AHI1: variants seen among roughly 807,000 people sequenced by gnomAD.
AHI1 encodes the protein jouberin.
A neutral mutation model predicts 149.3 loss-of-function variants in AHI1; 123 were observed. The ratio of observed to expected loss-of-function variants is 0.82; its 90% CI spans 0.71 to 0.96. AHI1 has a LOEUF of 0.96. Ranked by LOEUF, AHI1 falls within the 40% of genes least tolerant of loss-of-function variation. The pLI, the probability that AHI1 is intolerant of heterozygous loss-of-function variation, is 0.00. For missense variants in AHI1, 1,439 were observed against 1,422.7 expected (o/e 1.01, Z -0.18); for synonymous variants, 475 against 459.8 (o/e 1.03, Z -0.42).
chr6:135,347,048 G>C (rs1224272432), intron 24 of AHI1, among the ~76,000 whole-genome samples: 1 of 152,198 alleles, frequency 6.6e-6, no homozygotes, highest in Non-Finnish European at 1.5e-5. Flanking sequence ...TTATCTGTTT[G>C]AAACTTCTTT....
At chr6:135,469,174 C>T (rs565350583) in intron 5 of AHI1, among the ~76,000 whole-genome samples, 2 of 152,318 alleles carry the variant, frequency 1.3e-5, no homozygotes, top group South Asian at 4.1e-4. Context: ...ATCAAGTCAG[C>T]TTCATCCACG....
chr6:135,473,835 T>C (rs548465886), intron 5 of AHI1, among the ~76,000 whole-genome samples: 175 of 152,332 alleles, frequency 1.1e-3, no homozygotes, highest in Non-Finnish European at 1.8e-3. Context: ...CCATATATTC[T>C]GCTAAGCTCC....
chr6:135,446,642 G>A (rs1214297691), intron 13 of AHI1, among the ~76,000 whole-genome samples: 1 of 152,134 alleles, frequency 6.6e-6, no homozygotes, highest in Non-Finnish European at 1.5e-5. Flanking sequence ...CGGGCTCCAA[G>A]TCAAAAAGTG....
intron 26 of AHI1, chr6:135,301,426 T>C (rs1783870328): frequency 3.0e-6 from 3 of 985,390 alleles, no homozygotes; most frequent in Non-Finnish European, 3.6e-6. Flanking sequence ...TCAGTCTTGT[T>C]TGAGTAACTG....
In AHI1 at chr6:135,466,517, G is replaced by C. The variant is rs960513946; in HGVS notation, c.190-144C>G. 9.9e-6 allele frequency: 7 copies of C among 707,578 alleles called. No individual in the cohort carries two copies. In the African/African-American group the frequency reaches 1.3e-4, roughly 13 times the overall value. 43.8% of individuals were successfully genotyped at this position (707,578 alleles called of 1,614,324 possible). ...ATCTGGACATAGTGACACTATTTTA[G>C]AGCATATGAGTACTCTCATAATTTA... is the stretch of plus-strand genomic sequence containing the variant. On this transcript the variant is annotated intron_variant, in intron 6 of 28. Transcript: ENST00000265602.
chr6:135,390,112 A>C (rs961408645), intron 23 of AHI1, among the ~76,000 whole-genome samples: 2 of 152,152 alleles, frequency 1.3e-5, no homozygotes, highest in Non-Finnish European at 2.9e-5. Context: ...GGCCCTGGGA[A>C]GCCAAAAGAT....
Position 135,444,247 on chromosome 6 carries a change from G to A in AHI1, c.1780-1533C>T, listed in dbSNP as rs371478910. ...TGTTACTACTTCAAGATCTCCCCAT[G>A]CCACTGCCTGCATTAATTCATCCTC... On this transcript the variant is annotated intron_variant, in intron 13 of 28. Transcript: ENST00000265602. Among the ~76,000 whole-genome samples, 9 of 152,190 alleles carry A rather than the reference G, an allele frequency of 5.9e-5. No homozygotes were observed. The East Asian group carries it at 7.7e-4, about 13-fold the overall frequency.
rs1045439496 is a variant in AHI1 at position 135,285,161 on chromosome 6, C to T, written c.*484G>A. 4 of 169,288 alleles carry T rather than the reference C, an allele frequency of 2.4e-5. No homozygotes were observed. In the East Asian group the frequency reaches 4.8e-4, roughly 20 times the overall value. The allele number at this position is 169,288 out of a possible 1,614,324, so 10.5% of individuals were successfully genotyped here. ...TGCTAGGATTACAGGCATGAGGCACCGTGCCCAGTCAGCTGCTTATCTTTT... is the reference window on the plus strand; with the variant it reads ...TGCTAGGATTACAGGCATGAGGCACTGTGCCCAGTCAGCTGCTTATCTTTT... On this transcript the variant is annotated 3_prime_UTR_variant, in exon 29 of 29. Coordinates refer to ENST00000265602, the MANE Select transcript of AHI1 (RefSeq NM_001134831.2).
intron 5 of AHI1, 61 bp downstream of exon 5, chr6:135,490,562 A>C: frequency 6.3e-7 from 1 of 1,586,074 alleles, no homozygotes. Flanking sequence ...CATAAAATGC[A>C]GCCATATCTG....
chr6:135,351,439 C>T (rs973372571), intron 24 of AHI1, among the ~76,000 whole-genome samples: 2 of 152,094 alleles, frequency 1.3e-5, no homozygotes, highest in Admixed American at 6.5e-5. Flanking sequence ...GGTATTATCC[C>T]CATTTACAGA....
At chr6:135,367,632 G>A (rs1774384332) in intron 23 of AHI1, among the ~76,000 whole-genome samples, 1 of 151,862 alleles carries the variant, frequency 6.6e-6, no homozygotes, top group Admixed American at 6.6e-5. Flanking sequence ...TCTTTTACTT[G>A]TTTGAGTCTA....
chr6:135,473,148 C>A (rs886760122), intron 5 of AHI1, among the ~76,000 whole-genome samples: 1 of 152,058 alleles, frequency 6.6e-6, no homozygotes, highest in Non-Finnish European at 1.5e-5. Flanking sequence ...ATGACATGAT[C>A]CCAAGTTTAT....
chr6:135,382,666 A>G (rs2128469455), intron 23 of AHI1, among the ~76,000 whole-genome samples: 1 of 152,154 alleles, frequency 6.6e-6, no homozygotes, highest in African/African-American at 2.4e-5. Context: ...CCTCCTTCTG[A>G]ATTTCCAGAG....
In AHI1 at chr6:135,394,675, C is replaced by T. The variant is rs184606847; in HGVS notation, c.3109+101G>A. 2,469 of 1,481,650 alleles carry T rather than the reference C, an allele frequency of 1.7e-3. 5 individuals carry two copies. The highest frequency in any genetic ancestry group is 2.1e-3 in the Non-Finnish European group (2,238 of 1,086,050). 91.8% of individuals were successfully genotyped at this position (1,481,650 alleles called of 1,614,324 possible). ...AATATAATTTGTCAAGTGTAAAAAC[C>T]GACCATTATGAGCTTTATTTCTAAA... On this transcript the variant is annotated intron_variant, in intron 23 of 28. Transcript: ENST00000265602.
chr6:135,314,019 C>A (rs976829407), intron 26 of AHI1, among the ~76,000 whole-genome samples: 6 of 152,200 alleles, frequency 3.9e-5, no homozygotes, highest in African/African-American at 1.4e-4. Flanking sequence ...GCTGTCACAG[C>A]AACCCTTTAC....
intron 11 of AHI1, among the ~76,000 whole-genome samples, chr6:135,450,526 G>A (rs1037034800): frequency 6.6e-6 from 1 of 152,134 alleles, no homozygotes. Context: ...CAGGGGTAAA[G>A]AACCATTCCC....
intron 24 of AHI1, among the ~76,000 whole-genome samples, chr6:135,352,716 C>T (rs1328760055): frequency 8.0e-5 from 11 of 138,242 alleles, no homozygotes; most frequent in Admixed American, 2.1e-4. Context: ...TATATATACA[C>T]ACACACACAC....
intron 21 of AHI1, among the ~76,000 whole-genome samples, chr6:135,406,564 T>A (rs1333625475): frequency 6.6e-6 from 1 of 152,210 alleles, no homozygotes; most frequent in Non-Finnish European, 1.5e-5. Context: ...CAGAAATATA[T>A]CAATTATTAC....
In AHI1 at chr6:135,285,381, G is replaced by GATGCAATTACTAACAATAT. The variant is rs1455779616; in HGVS notation, c.*245_*263dup. 1.9e-6 allele frequency: 1 copy of GATGCAATTACTAACAATAT among 517,214 alleles called. No homozygotes were observed. The highest frequency in any genetic ancestry group is 1.9e-5 in the African/African-American group (1 of 52,146). 32.0% of individuals were successfully genotyped at this position (517,214 alleles called of 1,614,324 possible). A position where few individuals can be genotyped will look rare whatever the true frequency, so the allele number is the denominator to read the frequency against. ...TTTCCAACACTGGTAATGTAATTAT[G>GATGCAATTACTAACAATAT]ATGCAATTACTAACAATATAAGTAC... is the stretch of plus-strand genomic sequence containing the variant. On this transcript the variant is annotated 3_prime_UTR_variant, in exon 29 of 29. Transcript: ENST00000265602.
Sources: allele counts gnomAD v4.1 joint callset (sites outside exome capture counted in the v4.1 genomes callset), GRCh38; gene constraint gnomAD v4.1.1; transcripts MANE v1.5; gene names NCBI Gene and HGNC (gene_info 2026-07-23, HGNC 2026-07-21).